Variants in AK6 observed in about 807,000 individuals in gnomAD.
AK6 encodes the protein adenylate kinase isoenzyme 6.
A neutral mutation model predicts 23.7 loss-of-function variants in AK6; 24 were observed. The observed-to-expected ratio is 1.01, with a 90% CI of 0.73 to 1.43. AK6 has a LOEUF of 1.43. Among genes scored for constraint, AK6 ranks in the 40% most tolerant of loss-of-function variants. AK6 has a pLI of 0.00. For missense variants in AK6, 191 were observed against 199.1 expected (o/e 0.96, Z 0.24); for synonymous variants, 73 against 69.8 (o/e 1.05, Z -0.23).
At chr5:69,352,694 A>G (rs1467547275) in intron 4 of AK6, among the ~76,000 whole-genome samples, 1 of 152,256 alleles carries the variant, frequency 6.6e-6, no homozygotes, top group Non-Finnish European at 1.5e-5. Context: ...TCAAAATTAC[A>G]ATGAGATATT....
At chr5:69,361,605 AT>A (rs111389621) in intron 2 of AK6, among the ~76,000 whole-genome samples, 1,588 of 133,096 alleles carry the variant, frequency 0.012, 16 homozygotes, top group African/African-American at 0.03. Flanking sequence ...CGCCGGACTG[AT>A]TTTTTTTTTT....
rs915752885 is a variant in AK6 at position 69,368,615 on chromosome 5, C to G, written c.28+848G>C. On this transcript the variant is annotated intron_variant, in intron 1 of 4. Coordinates refer to ENST00000380822, the MANE Select transcript of AK6 (RefSeq NM_016283.5). ...GAAACAGACATGTCTTGTGCGCTGC[C>G]AACAATTTTACCTTTGGGTGAATGA... 3.3e-5 allele frequency among the ~76,000 whole-genome samples: 5 copies of G among 152,072 alleles called. No individual in the cohort carries two copies. In the East Asian group the frequency reaches 9.6e-4, roughly 29 times the overall value.
At chr5:69,355,591 G>C (rs1762062300) in intron 4 of AK6, 58 bp downstream of exon 4, 17 of 1,494,082 alleles carry the variant, frequency 1.1e-5, no homozygotes, top group Non-Finnish European at 1.5e-5. Context: ...GCCAATTTCA[G>C]AAATCTGAAT....
chr5:69,355,574 T>C, intron 4 of AK6, 75 bp downstream of exon 4: 1 of 1,429,662 alleles, frequency 7.0e-7, no homozygotes, highest in South Asian at 1.4e-5. Flanking sequence ...AACAATCTTT[T>C]ATCATGGCCA....
intron 4 of AK6, among the ~76,000 whole-genome samples, chr5:69,353,435 T>C (rs754310736): frequency 2.0e-5 from 3 of 151,728 alleles, no homozygotes; most frequent in South Asian, 2.1e-4. Flanking sequence ...GTAGCTGGGA[T>C]TACAGGTGCA....
rs1429387409 is a variant in AK6 at position 69,369,095 on chromosome 5, C to T, written c.28+368G>A. On this transcript the variant is annotated intron_variant, in intron 1 of 4. Transcript: ENST00000380822. ...CTACCGGGAAGCAGATATGGCCTTA[C>T]GTTATTTCGCTAAAAATCCCAAGGC... The T allele has an allele frequency of 8.1e-6, 3 of 369,594 alleles. No homozygotes were observed. The Admixed American group carries it at 1.5e-4, about 18-fold the overall frequency. The allele number at this position is 369,594 out of a possible 1,614,324, so 22.9% of individuals were successfully genotyped here. A position where few individuals can be genotyped will look rare whatever the true frequency, so the allele number is the denominator to read the frequency against.
At chr5:69,356,146 T>C (rs1762079011) in intron 2 of AK6, among the ~76,000 whole-genome samples, 193 bp from the exon 3 acceptor site, 1 of 152,252 alleles carries the variant, frequency 6.6e-6, no homozygotes, top group Non-Finnish European at 1.5e-5. Context: ...ATTGGAATTT[T>C]GTTTAGAGGG....
chr5:69,358,517 CAAAAAAAAAAAAAA>C (rs5868577), intron 2 of AK6, among the ~76,000 whole-genome samples: 3 of 54,172 alleles, frequency 5.5e-5, no homozygotes, highest in East Asian at 1.1e-3. Flanking sequence ...GACTCTGTCT[CAAAAAAAAAAAAAA>C]AAAAAAAAAA....
In AK6 at chr5:69,366,407, G is replaced by A; in HGVS notation, c.121+96C>T. On this transcript the variant is annotated intron_variant, in intron 2 of 4. Coordinates refer to ENST00000380822, the MANE Select transcript of AK6 (RefSeq NM_016283.5). Reference sequence around the variant, plus strand: ...TATATATTCTTTAATGGCAATCTCTGTTTTTTGTACCCTATGACAATACCC... The same window carrying A: ...TATATATTCTTTAATGGCAATCTCTATTTTTTGTACCCTATGACAATACCC... The A allele has an allele frequency of 4.3e-6, 4 of 937,082 alleles. No individual in the cohort carries two copies. The South Asian group carries it at 4.4e-5, about 10-fold the overall frequency. 58.0% of individuals were successfully genotyped at this position (937,082 alleles called of 1,614,324 possible).
chr5:69,364,843 A>G (rs1762345544), intron 2 of AK6: 2 of 1,026,060 alleles, frequency 1.9e-6, no homozygotes, highest in Non-Finnish European at 2.9e-6. Flanking sequence ...CATTATTATT[A>G]GTTTTCTAAA....
intron 1 of AK6, 134 bp downstream of exon 1, chr5:69,369,329 T>A: frequency 1.2e-6 from 1 of 826,384 alleles, no homozygotes; most frequent in Non-Finnish European, 1.6e-6. Context: ...CCCGGGGCGC[T>A]GACAACCGCC....
chr5:69,367,019 A>G (rs912950319), intron 1 of AK6, among the ~76,000 whole-genome samples: 1 of 151,938 alleles, frequency 6.6e-6, no homozygotes, highest in Admixed American at 6.6e-5. Flanking sequence ...TCGGCCTCCT[A>G]AAGTGCTGGG....
In AK6 at chr5:69,369,256, G is replaced by A. The variant is rs113611123; in HGVS notation, c.28+207C>T. 3.7e-3 allele frequency: 277 copies of A among 75,650 alleles called. 4 individuals are homozygous for A. Among genetic ancestry groups the A allele is most frequent in the African/African-American group, 0.011 (230 of 20,222 alleles). The allele number at this position is 75,650 out of a possible 1,614,324, so 4.7% of individuals were successfully genotyped here. ...CCCCCGCCCCCCCCCGGAGCCTCAGGCCAACGGAATTAACGTTCCGCGTCC... is the reference window on the plus strand; with the variant it reads ...CCCCCGCCCCCCCCCGGAGCCTCAGACCAACGGAATTAACGTTCCGCGTCC... On this transcript the variant is annotated intron_variant, in intron 1 of 4. Transcript: ENST00000380822.
intron 2 of AK6, chr5:69,365,825 G>A (rs1762397403): frequency 2.6e-6 from 3 of 1,151,534 alleles, no homozygotes; most frequent in Admixed American, 3.0e-5. Flanking sequence ...CAACTGTCAG[G>A]AACTTAAAAA....
chr5:69,366,601 A>G lies in AK6; in HGVS notation c.29-6T>C. On this transcript the variant is annotated splice_region_variant and splice_polypyrimidine_tract_variant and intron_variant, in intron 1 of 4. Coordinates refer to ENST00000380822, the MANE Select transcript of AK6 (RefSeq NM_016283.5). ...TTTTCCAACCCCTGGTGTACCTGTA[A>G]GACAAGCCACAGAAAAATACTGTTT... 6.2e-7 allele frequency: 1 copy of G among 1,605,140 alleles called. No individual in the cohort carries two copies. The highest frequency in any genetic ancestry group is 8.5e-7 in the Non-Finnish European group (1 of 1,172,112).
chr5:69,369,157 CG>C (rs1323824442), intron 1 of AK6: 14 of 474,220 alleles, frequency 3.0e-5, no homozygotes. Context: ...ATTTTACAAA[CG>C]AAATACCAGA....
Position 69,352,157 on chromosome 5 carries a change from C to T in AK6, c.423G>A (p.Val141=), listed in dbSNP as rs746815245. The change falls in exon 5 of 5, where the codon GTG becomes GTA. Residue 141 remains valine (V), a synonymous_variant. Transcript: ENST00000380822. The part of the protein sequence containing the change: ...EATASYKEEI[V]HQLPSNKPEE... ...CTGGTTTATTACTGGGCAGCTGATG[C>T]ACGATTTCTTCCTTGTAGGATGCTG... The T allele has an allele frequency of 6.2e-7, 1 of 1,613,888 alleles. No individual in the cohort carries two copies. Among genetic ancestry groups the T allele is most frequent in the South Asian group, 1.1e-5 (1 of 91,078 alleles).
At chr5:69,364,771 A>T in intron 2 of AK6, 1 of 698,996 alleles carries the variant, frequency 1.4e-6, no homozygotes, top group Non-Finnish European at 2.4e-6. Context: ...TATTTTTCTT[A>T]CACTTTTAAG....
intron 2 of AK6, chr5:69,365,009 T>C (rs146996937): frequency 2.6e-4 from 417 of 1,614,108 alleles, no homozygotes; most frequent in Non-Finnish European, 3.3e-4. Context: ...TTCTTTTCAA[T>C]GCATTTGATG....
Sources: allele counts gnomAD v4.1 joint callset (sites outside exome capture counted in the v4.1 genomes callset), GRCh38; gene constraint gnomAD v4.1.1; transcripts MANE v1.5; gene names NCBI Gene and HGNC (gene_info 2026-07-23, HGNC 2026-07-21).